Variants in GSE1 observed in about 807,000 individuals in gnomAD.
GSE1 encodes the protein Gse1 coiled-coil protein, also known as genetic suppressor element 1.
Under a neutral mutation model 112.6 loss-of-function variants are expected in GSE1, and 32 were observed. That is an observed-to-expected ratio of 0.28 (90% CI 0.21 to 0.38). GSE1 has a LOEUF of 0.38. Ranked by LOEUF, GSE1 falls within the 10% of genes least tolerant of loss-of-function variation. The pLI is 1.00. For missense variants in GSE1, 2,348 were observed against 1,699.2 expected (o/e 1.38, Z -6.71); for synonymous variants, 1,115 against 735.6 (o/e 1.52, Z -8.35).
intron 1 of GSE1, among the ~76,000 whole-genome samples, chr16:85,598,773 C>T (rs2047342664): frequency 6.6e-6 from 1 of 152,228 alleles, no homozygotes; most frequent in African/African-American, 2.4e-5. Flanking sequence ...GTCACCTCTT[C>T]CAAAAGTTCT....
rs767810394 is a variant in GSE1, at chr16:85,633,943, C to T, written c.37C>T (p.Leu13=). ...GAGCCATGAGCCCAAGTCCCCTTCG[C>T]TAGGGATGCTTTCCACCGCGACCAG... The part of the protein sequence containing the change: ...GMSHEPKSPS[L]GMLSTATRTT... Residue 13 remains leucine, a synonymous_variant, in exon 2 of 16, where the codon CTA becomes TTA. Transcript: ENST00000253458. 26 of 1,612,342 alleles carry T rather than the reference C, an allele frequency of 1.6e-5. No homozygotes were observed. Among genetic ancestry groups the T allele is most frequent in the South Asian group, 1.1e-4 (10 of 90,648 alleles).
In GSE1 at chr16:85,533,324, G is replaced by A. The variant is rs2044197157; in HGVS notation, c.2465-100590G>A. 2.0e-5 allele frequency among the ~76,000 whole-genome samples: 3 copies of A among 152,036 alleles called. No individual in the cohort carries two copies. The South Asian group carries it at 6.2e-4, about 32-fold the overall frequency. ...AATCCCAACTACTCAGGAGGCTGAG[G>A]CAGGAGAATCGCTTGAAACTGGGAG... On this transcript the variant is annotated intron_variant, in intron 2 of 2. Coordinates refer to the GSE1 transcript ENST00000637419.
chr16:85,341,230 T>C (rs1253703212), intron 1 of GSE1, among the ~76,000 whole-genome samples: 2 of 152,126 alleles, frequency 1.3e-5, no homozygotes, highest in Non-Finnish European at 2.9e-5. Context: ...GGTGTTGTTC[T>C]GTCTTCAGGT....
At chr16:85,666,543 G>A (rs1040181096) in intron 13 of GSE1, 196 bp downstream of exon 13, 12 of 614,688 alleles carry the variant, frequency 2.0e-5, no homozygotes, top group Admixed American at 8.9e-5. Flanking sequence ...ACCTGAACTC[G>A]TAGGTGAGAA....
At chr16:85,488,915 AT>A (rs919114917) in intron 2 of GSE1, among the ~76,000 whole-genome samples, 7 of 152,008 alleles carry the variant, frequency 4.6e-5, no homozygotes, top group Non-Finnish European at 1.5e-5. Flanking sequence ...CGGGGGTCAG[AT>A]TTGGGATGAG....
At position 85,648,574 on chromosome 16, in the gene GSE1, G is replaced by A. The variant is rs370456740; in HGVS notation, c.249G>A (p.Ser83=). Residue 83 remains serine (S), a synonymous_variant, in exon 3 of 16, where the codon TCG becomes TCA. Transcript: ENST00000253458. ...CAGGGTCCTCACTGAGCAGCGAGTCGTCCCCCGTGTCCTCTCCGGCCACCA... is the reference window on the plus strand; with the variant it reads ...CAGGGTCCTCACTGAGCAGCGAGTCATCCCCCGTGTCCTCTCCGGCCACCA... ...EPRGSSLSSE[S]SPVSSPATNH... is the part of the protein sequence containing the mutation. The A allele has an allele frequency of 1.9e-5, 30 of 1,577,064 alleles. No homozygotes were observed. The highest frequency in any genetic ancestry group is 4.6e-5 in the South Asian group (4 of 86,888).
intron 2 of GSE1, among the ~76,000 whole-genome samples, chr16:85,387,992 G>A (rs866813501): frequency 9.7e-5 from 10 of 103,206 alleles, no homozygotes; most frequent in African/African-American, 1.8e-4. Flanking sequence ...GGATGGGTGG[G>A]TGGATGGATG....
chr16:85,308,769 G>T (rs897654805), intron 1 of GSE1, among the ~76,000 whole-genome samples: 1 of 151,414 alleles, frequency 6.6e-6, no homozygotes, highest in African/African-American at 2.4e-5. Flanking sequence ...AATCAGAGAG[G>T]TTTGCAGCAA....
intron 2 of GSE1, among the ~76,000 whole-genome samples, chr16:85,528,231 A>G (rs1220224408): frequency 3.9e-5 from 6 of 152,262 alleles, no homozygotes; most frequent in African/African-American, 7.2e-5. Flanking sequence ...AATATGTGTT[A>G]GGTTGGATGT....
chr16:85,230,846 G>C (rs1904277495), intron 1 of GSE1, among the ~76,000 whole-genome samples: 1 of 152,034 alleles, frequency 6.6e-6, no homozygotes. Flanking sequence ...TGGATGGATG[G>C]ATGGATGGAT....
chr16:85,258,454 G>A (rs62049828), intron 1 of GSE1, among the ~76,000 whole-genome samples: 2 of 152,152 alleles, frequency 1.3e-5, no homozygotes, highest in African/African-American at 2.4e-5. Context: ...TCCCCACCAC[G>A]AGCTGCAGAA....
chr16:85,451,717 G>T (rs1377768828), intron 2 of GSE1, among the ~76,000 whole-genome samples: 2 of 131,412 alleles, frequency 1.5e-5, no homozygotes, highest in Admixed American at 8.0e-5. Context: ...TGCGTGCGCT[G>T]GTGGTGGTTG....
At chr16:85,350,386 G>T (rs938646473) in intron 1 of GSE1, among the ~76,000 whole-genome samples, 5 of 152,108 alleles carry the variant, frequency 3.3e-5, no homozygotes, top group Admixed American at 2.6e-4. Flanking sequence ...AAGTGGGTGA[G>T]CCCTGTTCTC....
chr16:85,660,807 T>A (rs2052365094), intron 8 of GSE1, among the ~76,000 whole-genome samples: 1 of 151,892 alleles, frequency 6.6e-6, no homozygotes, highest in Non-Finnish European at 1.5e-5. Context: ...ATTTTTGTAT[T>A]TTTTAGTAGA....
intron 2 of GSE1, among the ~76,000 whole-genome samples, chr16:85,478,923 CTTTCT>C (rs2050577463): frequency 2.7e-5 from 1 of 37,672 alleles, no homozygotes; most frequent in African/African-American, 1.5e-4. Flanking sequence ...TTCTTTCTTT[CTTTCT>C]CTTTCTTTCT....
chr16:85,287,640 A>C (rs1378679866), intron 1 of GSE1, among the ~76,000 whole-genome samples: 2 of 150,888 alleles, frequency 1.3e-5, no homozygotes, highest in Non-Finnish European at 3.0e-5. Flanking sequence ...CATATTGGTC[A>C]CTTTCTCTGT....
intron 1 of GSE1, among the ~76,000 whole-genome samples, chr16:85,271,591 T>C (rs898859015): frequency 1.3e-5 from 2 of 152,222 alleles, no homozygotes; most frequent in Non-Finnish European, 2.9e-5. Flanking sequence ...CACGCTGGCT[T>C]TCCTGCTGCT....
chr16:85,581,681 A>C (rs576374147), intron 1 of GSE1, among the ~76,000 whole-genome samples: 1 of 152,246 alleles, frequency 6.6e-6, no homozygotes, highest in Admixed American at 6.5e-5. Context: ...CGGCCGTCCT[A>C]AATGCAGTGT....
chr16:85,672,876 T>A lies in GSE1; in HGVS notation c.*337T>A, dbSNP rs559874272. On this transcript the variant is annotated 3_prime_UTR_variant, in exon 16 of 16. Coordinates refer to ENST00000253458, the MANE Select transcript of GSE1 (RefSeq NM_014615.5). ...TAAAACTTGATCATTAACAGCCCCC[T>A]GTGCATATGAGTGGATCAAACCGGT... The A allele has an allele frequency of 5.1e-4, 91 of 177,076 alleles. 1 individual carries two copies. The highest frequency in any genetic ancestry group is 2.0e-3 in the African/African-American group (85 of 42,430). The allele number at this position is 177,076 out of a possible 1,614,324, so 11.0% of individuals were successfully genotyped here. A position where few individuals can be genotyped will look rare whatever the true frequency, so the allele number is the denominator to read the frequency against.
Sources: gnomAD v4.1 joint callset for allele counts (sites outside exome capture counted in the v4.1 genomes callset) on GRCh38, gnomAD v4.1.1 for gene constraint, MANE v1.5 for transcripts, NCBI Gene and HGNC (gene_info 2026-07-23, HGNC 2026-07-21) for gene names.